Variants in NUDT9 observed in about 807,000 individuals in gnomAD.
NUDT9 encodes the protein nudix hydrolase 9.
Under a neutral mutation model 41.0 loss-of-function variants are expected in NUDT9, and 31 were observed. That is an observed-to-expected ratio of 0.76 (90% confidence interval 0.57 to 1.02). The LOEUF (loss-of-function observed/expected upper bound fraction) is 1.02, where lower values mean the gene tolerates loss of function less well. Ranked by LOEUF, NUDT9 falls within the 50% of genes least tolerant of loss-of-function variation. The pLI is 0.00. For synonymous variants in NUDT9, 146 were observed against 147.6 expected, an observed-to-expected ratio of 0.99 and a Z score of 0.08; for missense variants, 380 against 431.4, an observed-to-expected ratio of 0.88 and a Z score of 1.06.
intron 6 of NUDT9, among the ~76,000 whole-genome samples, chr4:87,453,698 T>C (rs957428414): frequency 6.6e-6 from 1 of 151,776 alleles, no homozygotes; most frequent in African/African-American, 2.4e-5. Flanking sequence ...AAAGTGCTGG[T>C]ATTACAGGCA....
At chr4:87,442,047 G>GTGTGTA in intron 4 of NUDT9, 132 bp downstream of exon 4, 1 of 627,306 alleles carries the variant, frequency 1.6e-6, no homozygotes, top group Non-Finnish European at 2.8e-6. Context: ...ATATATGTAT[G>GTGTGTA]TATACAGTCA....
At chr4:87,455,757 GT>G (rs1722961639) in intron 7 of NUDT9, among the ~76,000 whole-genome samples, 1 of 151,162 alleles carries the variant, frequency 6.6e-6, no homozygotes, top group African/African-American at 2.4e-5. Flanking sequence ...TGCCTCTCGG[GT>G]TCAGGCGATT....
chr4:87,430,107 T>G (rs929485353), intron 1 of NUDT9, among the ~76,000 whole-genome samples: 2 of 152,164 alleles, frequency 1.3e-5, no homozygotes, highest in Non-Finnish European at 1.5e-5. Flanking sequence ...CTGGCCGTGA[T>G]CAAAGATATG....
At chr4:87,452,874 C>T (rs1355019063) in intron 6 of NUDT9, among the ~76,000 whole-genome samples, 7 of 144,558 alleles carry the variant, frequency 4.8e-5, no homozygotes, top group Non-Finnish European at 8.9e-5. Flanking sequence ...TGCAATGGCG[C>T]GATCTCGGCT....
chr4:87,426,164 A>G lies in NUDT9; in HGVS notation c.107+3152A>G, dbSNP rs566250136. Among the ~76,000 whole-genome samples the G allele has an allele frequency of 5.9e-5, 9 of 152,312 alleles. No homozygotes were observed. The East Asian group carries it at 1.7e-3, about 29-fold the overall frequency. ...GGTAGTATATTACAAAGATGTAGTG[A>G]ATGCTTTTACATACCACAACATACA... On this transcript the variant is annotated intron_variant, in intron 1 of 7. Transcript: ENST00000302174.
At chr4:87,446,964 C>A (rs1200608901) in intron 4 of NUDT9, among the ~76,000 whole-genome samples, 2 of 152,146 alleles carry the variant, frequency 1.3e-5, no homozygotes, top group African/African-American at 4.8e-5. Context: ...AACATACATG[C>A]TTTTGTCAAA....
intron 3 of NUDT9, among the ~76,000 whole-genome samples, 189 bp from the exon 4 acceptor site, chr4:87,441,640 G>A (rs1225317541): frequency 6.6e-6 from 1 of 152,156 alleles, no homozygotes; most frequent in Non-Finnish European, 1.5e-5. Context: ...CATATCACAT[G>A]CGCAAAAGAA....
chr4:87,443,973 TTGA>T (rs1722333745), intron 4 of NUDT9, among the ~76,000 whole-genome samples: 1 of 152,220 alleles, frequency 6.6e-6, no homozygotes, highest in South Asian at 2.1e-4. Flanking sequence ...TTCAAGTCTC[TTGA>T]TGAGCATGAA....
At chr4:87,431,638 T>G (rs538435324) in intron 1 of NUDT9, among the ~76,000 whole-genome samples, 2 of 152,356 alleles carry the variant, frequency 1.3e-5, no homozygotes, top group Admixed American at 6.5e-5. Flanking sequence ...AGTTTATTCC[T>G]AAGTATTTTA....
chr4:87,437,067 G>A (rs1184185134), intron 2 of NUDT9, among the ~76,000 whole-genome samples: 1 of 151,920 alleles, frequency 6.6e-6, no homozygotes, highest in Non-Finnish European at 1.5e-5. Context: ...TGGCAAACAT[G>A]ATGAAACCCT....
chr4:87,435,685 G>T (rs1489526682), intron 2 of NUDT9, among the ~76,000 whole-genome samples: 1 of 152,188 alleles, frequency 6.6e-6, no homozygotes, highest in Non-Finnish European at 1.5e-5. Flanking sequence ...ATAGAAAAGG[G>T]TTGGATAAAG....
intron 1 of NUDT9, among the ~76,000 whole-genome samples, chr4:87,431,847 G>T (rs1478829231): frequency 6.6e-6 from 1 of 151,930 alleles, no homozygotes; most frequent in African/African-American, 2.4e-5. Flanking sequence ...CACCATGCCC[G>T]GCTAATTTTT....
intron 6 of NUDT9, among the ~76,000 whole-genome samples, chr4:87,453,996 A>G (rs766242080): frequency 2.0e-5 from 3 of 151,398 alleles, no homozygotes; most frequent in Non-Finnish European, 4.4e-5. Flanking sequence ...AGTAGCCGGG[A>G]CTACAGGCAC....
chr4:87,457,575 C>T (rs1474277496), intron 7 of NUDT9, among the ~76,000 whole-genome samples: 1 of 151,968 alleles, frequency 6.6e-6, no homozygotes, highest in Admixed American at 6.6e-5. Flanking sequence ...AATATAATCT[C>T]GTTTTTAAGG....
intron 5 of NUDT9, among the ~76,000 whole-genome samples, chr4:87,450,016 G>A (rs1004538730): frequency 2.0e-5 from 3 of 151,744 alleles, no homozygotes; most frequent in Non-Finnish European, 2.9e-5. Context: ...AGTGTGTGCC[G>A]CTATGCCTGG....
chr4:87,433,478 C>T (rs1316615373), intron 1 of NUDT9, among the ~76,000 whole-genome samples: 1 of 152,154 alleles, frequency 6.6e-6, no homozygotes, highest in Non-Finnish European at 1.5e-5. Context: ...CTGTTGCATG[C>T]TTCTCACTGT....
intron 5 of NUDT9, among the ~76,000 whole-genome samples, chr4:87,450,718 C>T (rs1237237093): frequency 6.6e-6 from 1 of 152,160 alleles, no homozygotes; most frequent in Non-Finnish European, 1.5e-5. Flanking sequence ...TCAAACTTCA[C>T]TTAGGTTGAA....
At chr4:87,424,254 GTT>G (rs147874067) in intron 1 of NUDT9, among the ~76,000 whole-genome samples, 1,252 of 99,092 alleles carry the variant, frequency 0.013, 9 homozygotes, top group African/African-American at 0.051. Flanking sequence ...TCCCTAATGC[GTT>G]TTTTTTTTTT....
In NUDT9 at chr4:87,458,071, A is replaced by G. The variant is rs139032217; in HGVS notation, c.*50A>G. 413 of 1,437,372 alleles carry G rather than the reference A, an allele frequency of 2.9e-4. 3 individuals are homozygous for G. The East Asian group carries it at 0.011, about 38-fold the overall frequency. The allele number at this position is 1,437,372 out of a possible 1,614,324, so 89.0% of individuals were successfully genotyped here. A position where few individuals can be genotyped will look rare whatever the true frequency, so the allele number is the denominator to read the frequency against. On this transcript the variant is annotated 3_prime_UTR_variant, in exon 8 of 8. Transcript: ENST00000302174. The stretch of plus-strand genomic sequence containing the variant: ...GGCCCACAGAGGAGCATATACTGAA[A>G]AGAAGGCAGTATCACAGAATTTATA...
Sources: allele counts gnomAD v4.1 joint callset (sites outside exome capture counted in the v4.1 genomes callset), GRCh38; gene constraint gnomAD v4.1.1; transcripts MANE v1.5; gene names NCBI Gene and HGNC (gene_info 2026-07-23, HGNC 2026-07-21).